CCDC15: variants seen among roughly 807,000 people sequenced by gnomAD.
The protein encoded by CCDC15 is coiled-coil domain-containing protein 15.
A neutral mutation model predicts 114.5 loss-of-function variants in CCDC15; 105 were observed. The ratio of observed to expected loss-of-function variants is 0.92; its 90% CI spans 0.78 to 1.08. CCDC15 has a LOEUF of 1.08. Among genes scored for constraint, CCDC15 ranks in the 50% least tolerant of loss-of-function variants. CCDC15 has a pLI of 0.00. For missense variants in CCDC15, 1,105 were observed against 1,093.6 expected, an observed-to-expected ratio of 1.01 and a Z score of -0.15; for synonymous variants, 334 against 377.8, an observed-to-expected ratio of 0.88 and a Z score of 1.34.
intron 6 of CCDC15, 66 bp from the exon 7 acceptor site, chr11:124,986,676 T>C: frequency 1.5e-6 from 2 of 1,366,736 alleles, no homozygotes; most frequent in Non-Finnish European, 2.0e-6. Context: ...GCTGTGTGTG[T>C]GTGTGTGTGT....
chr11:124,983,465 C>A (rs1246550873), intron 6 of CCDC15, among the ~76,000 whole-genome samples: 2 of 150,876 alleles, frequency 1.3e-5, no homozygotes, highest in Admixed American at 1.3e-4. Context: ...TTTTTTTAAT[C>A]CTCTTTGATG....
chr11:124,959,729 A>G, intron 3 of CCDC15, 86 bp from the exon 4 acceptor site: 1 of 894,720 alleles, frequency 1.1e-6, no homozygotes, highest in Non-Finnish European at 1.5e-6. Context: ...CCCCAATTTA[A>G]AATCTTCTGA....
At chr11:124,956,888 C>A (rs1947561811) in intron 2 of CCDC15, among the ~76,000 whole-genome samples, 1 of 152,104 alleles carries the variant, frequency 6.6e-6, no homozygotes, top group Non-Finnish European at 1.5e-5. Context: ...GCCCTTAGAT[C>A]ATGTCTGTTC....
At chr11:124,980,835 T>A (rs967945970) in intron 6 of CCDC15, among the ~76,000 whole-genome samples, 3 of 152,190 alleles carry the variant, frequency 2.0e-5, no homozygotes, top group Admixed American at 6.5e-5. Flanking sequence ...GTTTCTCTAG[T>A]TCTTCTAGTT....
At chr11:124,991,347 T>TGG in intron 8 of CCDC15, 114 bp from the exon 9 acceptor site, 1 of 603,526 alleles carries the variant, frequency 1.7e-6, no homozygotes, top group Admixed American at 3.3e-5. Flanking sequence ...TCCATAATGT[T>TGG]TTATATTATC....
chr11:124,961,399 A>G (rs1947654972), intron 4 of CCDC15, among the ~76,000 whole-genome samples: 1 of 152,194 alleles, frequency 6.6e-6, no homozygotes, highest in South Asian at 2.1e-4. Context: ...ATATAGAGAG[A>G]TTTTCTGTGT....
At chr11:124,963,076 C>T (rs903845218) in intron 4 of CCDC15, among the ~76,000 whole-genome samples, 7 of 152,078 alleles carry the variant, frequency 4.6e-5, no homozygotes, top group Non-Finnish European at 8.8e-5. Context: ...TGGTTCCAAG[C>T]CTTTGCTATT....
At chr11:124,989,450 C>A (rs2135488404) in intron 8 of CCDC15, among the ~76,000 whole-genome samples, 1 of 152,344 alleles carries the variant, frequency 6.6e-6, no homozygotes, top group East Asian at 1.9e-4. Context: ...GGTAAATGTG[C>A]ATTGGCTTCA....
chr11:124,956,214 A>G (rs927458688), intron 2 of CCDC15, among the ~76,000 whole-genome samples: 15 of 152,186 alleles, frequency 9.9e-5, no homozygotes, highest in African/African-American at 3.6e-4. Flanking sequence ...ATTGCTTCAA[A>G]GGTTTTGAAG....
intron 13 of CCDC15, among the ~76,000 whole-genome samples, chr11:125,024,127 T>C (rs1302702005): frequency 6.6e-6 from 1 of 152,086 alleles, no homozygotes; most frequent in African/African-American, 2.4e-5. Flanking sequence ...TATACATACG[T>C]ACATTCATCT....
At chr11:125,008,652 G>A (rs745858268) in intron 13 of CCDC15, among the ~76,000 whole-genome samples, 6 of 152,014 alleles carry the variant, frequency 3.9e-5, no homozygotes, top group Non-Finnish European at 8.8e-5. Flanking sequence ...TTTTGTAGAT[G>A]CGCTTTTTCA....
At chr11:124,965,297 T>G (rs1255889204) in intron 4 of CCDC15, among the ~76,000 whole-genome samples, 1 of 152,234 alleles carries the variant, frequency 6.6e-6, no homozygotes, top group Non-Finnish European at 1.5e-5. Context: ...GGTAGGCTAT[T>G]AATTATTGCC....
At chr11:124,967,010 T>C (rs980110462) in intron 4 of CCDC15, among the ~76,000 whole-genome samples, 3 of 152,256 alleles carry the variant, frequency 2.0e-5, no homozygotes, top group Non-Finnish European at 4.4e-5. Flanking sequence ...AGAGATCCGC[T>C]GTTAGTCTGA....
chr11:125,012,310 T>G (rs1219433996), intron 13 of CCDC15, among the ~76,000 whole-genome samples: 1 of 152,186 alleles, frequency 6.6e-6, no homozygotes, highest in Non-Finnish European at 1.5e-5. Context: ...GTGGGTCTCA[T>G]GATAAGGGCT....
Position 125,030,413 on chromosome 11 carries a change from A to T in CCDC15, c.2412-8018A>T, listed in dbSNP as rs140332762. Among the ~76,000 whole-genome samples the T allele has an allele frequency of 2.6e-3, 402 of 152,304 alleles. 4 individuals carry two copies. The highest frequency in any genetic ancestry group is 9.0e-3 in the African/African-American group (373 of 41,554). On this transcript the variant is annotated intron_variant, in intron 13 of 15. Coordinates refer to ENST00000344762, the MANE Select transcript of CCDC15 (RefSeq NM_025004.3). The stretch of plus-strand genomic sequence containing the variant: ...TCCATGAGCAGGAGCCCACTGCTGC[A>T]CTTCTTCAGCTGTAAAGTCAGAGGT...
Position 124,959,096 on chromosome 11 carries a change from C to A in CCDC15, c.178-19C>A. 1 of 1,511,888 alleles carries A rather than the reference C, an allele frequency of 6.6e-7. No homozygotes were observed. 93.7% of individuals were successfully genotyped at this position (1,511,888 alleles called of 1,614,324 possible). A position where few individuals can be genotyped will look rare whatever the true frequency, so the allele number is the denominator to read the frequency against. Reference sequence around the variant, plus strand: ...AACTGCTAACATTTAAGTTCATTTTCTGTCTTTCATCTTTAAAGACATCAG... The same window carrying A: ...AACTGCTAACATTTAAGTTCATTTTATGTCTTTCATCTTTAAAGACATCAG... On this transcript the variant is annotated intron_variant, in intron 2 of 15. Coordinates refer to ENST00000344762, the MANE Select transcript of CCDC15 (RefSeq NM_025004.3).
intron 4 of CCDC15, among the ~76,000 whole-genome samples, chr11:124,968,207 T>G (rs888396017): frequency 2.0e-5 from 3 of 152,254 alleles, no homozygotes; most frequent in Non-Finnish European, 4.4e-5. Context: ...CAGGGACGTT[T>G]AAGTCTGCAG....
intron 12 of CCDC15, among the ~76,000 whole-genome samples, chr11:125,004,189 T>C (rs1948523563): frequency 6.6e-6 from 1 of 152,006 alleles, no homozygotes; most frequent in Non-Finnish European, 1.5e-5. Context: ...CTAATAAATT[T>C]CTCCAGCTAA....
chr11:124,994,188 C>G (rs1285556924), intron 11 of CCDC15, among the ~76,000 whole-genome samples: 3 of 152,286 alleles, frequency 2.0e-5, no homozygotes, highest in Non-Finnish European at 2.9e-5. Context: ...GTTTGGTCAG[C>G]TGAAAGACGG....
Sources: gnomAD v4.1 joint callset for allele counts (sites outside exome capture counted in the v4.1 genomes callset) on GRCh38, gnomAD v4.1.1 for gene constraint, MANE v1.5 for transcripts, NCBI Gene and HGNC (gene_info 2026-07-23, HGNC 2026-07-21) for gene names.